Variants in WWP1 observed in about 807,000 individuals in gnomAD.
WWP1 encodes the protein NEDD4-like E3 ubiquitin-protein ligase WWP1.
Under a neutral mutation model 130.6 loss-of-function variants are expected in WWP1, and 49 were observed. The ratio of observed to expected loss-of-function variants is 0.38; its 90% CI spans 0.30 to 0.48. WWP1 has a LOEUF of 0.48. WWP1 is among the 20% of genes least tolerant of loss of function. The pLI is 0.99. For synonymous variants in WWP1, 332 were observed against 367.8 expected, an observed-to-expected ratio of 0.90 and a Z score of 1.11; for missense variants, 809 against 1,100.6, an observed-to-expected ratio of 0.74 and a Z score of 3.75.
At chr8:86,414,890 T>C (rs11780190) in intron 9 of WWP1, among the ~76,000 whole-genome samples, 46,971 of 94,446 alleles carry the variant, frequency 0.5, 8,634 homozygotes, top group Middle Eastern at 0.6. Flanking sequence ...CCCCCCCCCA[T>C]CCCCCCACCC....
At chr8:86,352,511 G>A (rs1822993794) in intron 1 of WWP1, among the ~76,000 whole-genome samples, 1 of 152,026 alleles carries the variant, frequency 6.6e-6, no homozygotes, top group Non-Finnish European at 1.5e-5. Flanking sequence ...TTATAGCCAT[G>A]AGCCACCGTG....
intron 16 of WWP1, 95 bp downstream of exon 16, chr8:86,435,799 A>G (rs897694214): frequency 5.2e-6 from 6 of 1,153,528 alleles, no homozygotes; most frequent in Admixed American, 2.2e-5. Flanking sequence ...TAAACCACCC[A>G]GAACACAGCT....
chr8:86,464,092 A>G (rs1811910474), intron 24 of WWP1, among the ~76,000 whole-genome samples: 2 of 152,150 alleles, frequency 1.3e-5, no homozygotes, highest in Admixed American at 1.3e-4. Context: ...AAAAAGTGCA[A>G]GAAGAGGAAA....
chr8:86,369,495 G>A (rs750813544), intron 2 of WWP1, among the ~76,000 whole-genome samples: 12 of 152,064 alleles, frequency 7.9e-5, no homozygotes, highest in South Asian at 4.1e-4. Flanking sequence ...AATAGATTGG[G>A]GGTGGGGATC....
chr8:86,423,660 C>A (rs1809364515), intron 9 of WWP1, among the ~76,000 whole-genome samples: 2 of 152,226 alleles, frequency 1.3e-5, no homozygotes, highest in African/African-American at 4.8e-5. Context: ...ATTTCTCTAT[C>A]TTTTCCCCAC....
At chr8:86,448,119 TA>T in intron 18 of WWP1, 28 bp from the exon 19 acceptor site, 3 of 1,532,570 alleles carry the variant, frequency 2.0e-6, no homozygotes, top group Non-Finnish European at 2.6e-6. Flanking sequence ...TTGCAAATTT[TA>T]AATAAAATTT....
In WWP1 at chr8:86,431,508, C is replaced by G. The variant is rs537928175; in HGVS notation, c.1472+18C>G. On this transcript the variant is annotated intron_variant, in intron 13 of 24. Coordinates refer to ENST00000517970, the MANE Select transcript of WWP1 (RefSeq NM_007013.4). ...ACTCAAGGGTATGTATATACAGCAG[C>G]CTTAAGTCGTCTTGCATATATCAGT... 6.8e-6 allele frequency: 11 copies of G among 1,611,598 alleles called. No individual in the cohort carries two copies. Among genetic ancestry groups the G allele is most frequent in the African/African-American group, 1.3e-5 (1 of 74,708 alleles).
At chr8:86,356,299 T>G (rs1823255576) in intron 1 of WWP1, among the ~76,000 whole-genome samples, 1 of 152,098 alleles carries the variant, frequency 6.6e-6, no homozygotes, top group Non-Finnish European at 1.5e-5. Flanking sequence ...TTATGTTGAT[T>G]CTGTAAGTTT....
intron 24 of WWP1, among the ~76,000 whole-genome samples, chr8:86,465,738 G>T (rs868323835): frequency 6.6e-6 from 1 of 152,272 alleles, no homozygotes; most frequent in East Asian, 1.9e-4. Context: ...TGTATAGGAA[G>T]TATTAAAAAA....
intron 18 of WWP1, among the ~76,000 whole-genome samples, chr8:86,444,725 C>T (rs182604771): frequency 4.5e-4 from 69 of 152,182 alleles, no homozygotes; most frequent in Non-Finnish European, 4.3e-4. Flanking sequence ...GGTGGAAAGA[C>T]TGATGGGAGT....
At position 86,381,526 on chromosome 8, in the gene WWP1, A is replaced by G. The variant is rs748952586; in HGVS notation, c.231A>G (p.Thr77=). The G allele has an allele frequency of 1.6e-5, 25 of 1,609,158 alleles. 1 individual carries two copies. Among genetic ancestry groups the G allele is most frequent in the Middle Eastern group, 1.7e-4 (1 of 6,030 alleles). The change falls in exon 5 of 25, where the codon ACA becomes ACG. Residue 77 remains threonine (T), a synonymous_variant. Coordinates refer to ENST00000517970, the MANE Select transcript of WWP1 (RefSeq NM_007013.4). The part of the protein sequence containing the change: ...QLTVNVTPQT[T]LEFQVWSHRT... ...CCAGAAATGTTACGCCACAGACTAC[A>G]TTGGAATTTCAAGTTTGGAGCCATC... is the stretch of plus-strand genomic sequence containing the variant.
intron 1 of WWP1, among the ~76,000 whole-genome samples, chr8:86,362,107 A>G (rs1485990902): frequency 8.5e-6 from 1 of 117,510 alleles, no homozygotes; most frequent in Non-Finnish European, 1.9e-5. Context: ...TACACTAGGC[A>G]TATATATATA....
At position 86,452,643 on chromosome 8, in the gene WWP1, T is replaced by G. The variant is rs768979408; in HGVS notation, c.2358T>G (p.Leu786=). 3 of 1,613,384 alleles carry G rather than the reference T, an allele frequency of 1.9e-6. No homozygotes were observed. The African/African-American group carries it at 4.0e-5, about 22-fold the overall frequency. ...FLDGFNEVVP[L]QWLQYFDEKE... is the part of the protein sequence containing the mutation. ...ATGGTTTTAATGAAGTTGTTCCTCT[T>G]CAGTGGCTACAGTACTTCGATGAAA... The change falls in exon 21 of 25, where the codon CTT becomes CTG. Residue 786 remains leucine (L), a synonymous_variant. Coordinates refer to ENST00000517970, the MANE Select transcript of WWP1 (RefSeq NM_007013.4).
intron 14 of WWP1, among the ~76,000 whole-genome samples, chr8:86,433,411 G>A (rs1377709908): frequency 6.6e-6 from 1 of 151,438 alleles, no homozygotes; most frequent in Non-Finnish European, 1.5e-5. Context: ...TTCTTGGTAG[G>A]TCCTGTAAAA....
intron 1 of WWP1, among the ~76,000 whole-genome samples, chr8:86,361,982 A>G (rs1214370323): frequency 1.4e-5 from 2 of 141,314 alleles, no homozygotes; most frequent in Admixed American, 7.3e-5. Flanking sequence ...GTGTATATAT[A>G]TATATATATA....
intron 7 of WWP1, among the ~76,000 whole-genome samples, chr8:86,401,129 C>G (rs1041308763): frequency 2.0e-5 from 3 of 151,672 alleles, no homozygotes; most frequent in African/African-American, 7.3e-5. Context: ...ATATACTATA[C>G]ATTTTTATAG....
intron 8 of WWP1, among the ~76,000 whole-genome samples, chr8:86,406,578 A>G (rs78492729): frequency 0.014 from 2,071 of 152,322 alleles, 47 homozygotes; most frequent in African/African-American, 0.047. Flanking sequence ...CATCTTGTAT[A>G]ACTATTTTGT....
At chr8:86,356,552 C>T (rs1823271038) in intron 1 of WWP1, among the ~76,000 whole-genome samples, 1 of 151,908 alleles carries the variant, frequency 6.6e-6, no homozygotes, top group Admixed American at 6.6e-5. Context: ...AAAACTACCT[C>T]ATTCTCAGTA....
intron 21 of WWP1, among the ~76,000 whole-genome samples, chr8:86,456,888 T>C (rs866558943): frequency 6.6e-6 from 1 of 151,980 alleles, no homozygotes; most frequent in Non-Finnish European, 1.5e-5. Context: ...AAAATATGTA[T>C]GTATGCATAT....
Sources: gnomAD v4.1 joint callset for allele counts (sites outside exome capture counted in the v4.1 genomes callset) on GRCh38, gnomAD v4.1.1 for gene constraint, MANE v1.5 for transcripts, NCBI Gene and HGNC (gene_info 2026-07-23, HGNC 2026-07-21) for gene names.